Variants in NF2 observed in about 807,000 individuals in gnomAD.
NF2 encodes the protein merlin.
A neutral mutation model predicts 83.7 loss-of-function variants in NF2; 8 were observed. The ratio of observed to expected loss-of-function variants is 0.10; its 90% CI spans 0.06 to 0.17. NF2 has a LOEUF of 0.17. NF2 is among the 10% of genes least tolerant of loss of function. NF2 has a pLI of 1.00. For missense variants in NF2, 533 were observed against 744.4 expected (o/e 0.72, Z 3.31); for synonymous variants, 266 against 269.6 (o/e 0.99, Z 0.13).
intron 1 of NF2, among the ~76,000 whole-genome samples, chr22:29,615,777 G>A (rs1353163385): frequency 6.6e-6 from 1 of 152,164 alleles, no homozygotes; most frequent in African/African-American, 2.4e-5. Flanking sequence ...TCCTCAAACA[G>A]TTAAACACAG....
chr22:29,656,394 C>G (rs997986143), intron 6 of NF2, among the ~76,000 whole-genome samples: 1 of 142,590 alleles, frequency 7.0e-6, no homozygotes, highest in African/African-American at 2.6e-5. Context: ...ATGAGTAGTT[C>G]TGGGGATATA....
At chr22:29,621,944 C>T (rs1205479030) in intron 1 of NF2, among the ~76,000 whole-genome samples, 1 of 152,144 alleles carries the variant, frequency 6.6e-6, no homozygotes, top group African/African-American at 2.4e-5. Flanking sequence ...CCAAAGTCAC[C>T]ACATAGCTTC....
intron 11 of NF2, 85 bp downstream of exon 11, chr22:29,672,033 G>A: frequency 1.9e-6 from 3 of 1,588,596 alleles, no homozygotes; most frequent in Non-Finnish European, 2.6e-6. Context: ...AAAACCATGA[G>A]TTAGCAGCGT....
chr22:29,683,180 G>C lies in NF2; in HGVS notation c.1737+1579G>C, dbSNP rs2067191302. The C allele has an allele frequency of 2.5e-6, 4 of 1,611,296 alleles. No homozygotes were observed. In the South Asian group the frequency reaches 4.4e-5, roughly 18 times the overall value. On this transcript the variant is annotated intron_variant, in intron 15 of 15. Coordinates refer to ENST00000338641, the MANE Select transcript of NF2 (RefSeq NM_000268.4). Reference sequence around the variant, plus strand: ...GCCACACTGAGCCCTTACGAGGGCAGGTGGTGCCTGGGTACTGGCCGCAGC... The same window carrying C: ...GCCACACTGAGCCCTTACGAGGGCACGTGGTGCCTGGGTACTGGCCGCAGC...
chr22:29,613,783 G>A (rs1745630896), intron 1 of NF2, among the ~76,000 whole-genome samples: 1 of 148,952 alleles, frequency 6.7e-6, no homozygotes, highest in African/African-American at 2.5e-5. Flanking sequence ...TTTTTGAGAT[G>A]GAGTCTCGCT....
chr22:29,686,034 G>C (rs2067263034), intron 15 of NF2, among the ~76,000 whole-genome samples: 1 of 151,890 alleles, frequency 6.6e-6, no homozygotes, highest in African/African-American at 2.4e-5. Flanking sequence ...TATACATGCA[G>C]CTATAAAAAA....
At chr22:29,654,627 A>T (rs1184223641) in intron 4 of NF2, 30 bp from the exon 5 acceptor site, 1 of 1,598,954 alleles carries the variant, frequency 6.3e-7, no homozygotes, top group African/African-American at 1.3e-5. Context: ...TTAGAATCTC[A>T]ATCGCCTGCT....
At chr22:29,683,473 A>G (rs933021203) in intron 15 of NF2, 1 of 1,200,844 alleles carries the variant, frequency 8.3e-7, no homozygotes, top group African/African-American at 1.5e-5. Context: ...CTCAAGATCA[A>G]GACCTTTTAT....
At chr22:29,613,449 T>C (rs1262823020) in intron 1 of NF2, among the ~76,000 whole-genome samples, 6 of 152,068 alleles carry the variant, frequency 3.9e-5, no homozygotes, top group Non-Finnish European at 7.4e-5. Flanking sequence ...AAGAATCCCT[T>C]GAACCCAGGA....
chr22:29,624,067 T>A (rs569421806), intron 1 of NF2, among the ~76,000 whole-genome samples: 1 of 152,332 alleles, frequency 6.6e-6, no homozygotes, highest in African/African-American at 2.4e-5. Context: ...GCTACAGCCC[T>A]GATGGAAGGG....
intron 1 of NF2, among the ~76,000 whole-genome samples, chr22:29,613,213 A>G (rs2064998253): frequency 6.6e-6 from 1 of 152,108 alleles, no homozygotes; most frequent in Non-Finnish European, 1.5e-5. Flanking sequence ...TTGTGATTTC[A>G]AGACATACTA....
chr22:29,628,780 G>GCCA (rs1157717430), intron 1 of NF2, among the ~76,000 whole-genome samples: 1 of 151,856 alleles, frequency 6.6e-6, no homozygotes, highest in Non-Finnish European at 1.5e-5. Flanking sequence ...ACAGGTATGC[G>GCCA]CCACCACGCC....
Position 29,654,647 on chromosome 22 carries a change from T to C in NF2, c.448-10T>C. The C allele has an allele frequency of 6.2e-7, 1 of 1,613,504 alleles. No individual in the cohort carries two copies. Among genetic ancestry groups the C allele is most frequent in the Non-Finnish European group, 8.5e-7 (1 of 1,179,446 alleles). On this transcript the variant is annotated splice_polypyrimidine_tract_variant and intron_variant, in intron 4 of 15. Transcript: ENST00000338641. ...ATCTCAATCGCCTGCTCTCCCTTTCTTCTTTCCAGTATGGTGACTACGACC... is the reference window on the plus strand; with the variant it reads ...ATCTCAATCGCCTGCTCTCCCTTTCCTCTTTCCAGTATGGTGACTACGACC...
chr22:29,642,171 A>T (rs751777290), intron 3 of NF2, 31 bp from the exon 4 acceptor site: 1 of 1,570,210 alleles, frequency 6.4e-7, no homozygotes, highest in Admixed American at 1.7e-5. Context: ...CCACTCACAG[A>T]GTATCATGTC....
chr22:29,655,288 G>A (rs2066267218), intron 5 of NF2, among the ~76,000 whole-genome samples: 1 of 152,166 alleles, frequency 6.6e-6, no homozygotes, highest in South Asian at 2.1e-4. Flanking sequence ...AGATGAGTGA[G>A]CATTGCTTCT....
In NF2 at chr22:29,671,959, AGGGGCTG is replaced by A; in HGVS notation, c.1122+15_1122+21del. On this transcript the variant is annotated intron_variant, in intron 11 of 15. Coordinates refer to ENST00000338641, the MANE Select transcript of NF2 (RefSeq NM_000268.4). ...GCCAACGAAGCACTGGTGATTTCTG[AGGGGCTG>A]GGGTTCCAGGAGGCTACTTGGGGAC... 6.2e-7 allele frequency: 1 copy of A among 1,614,116 alleles called. No homozygotes were observed. Among genetic ancestry groups the A allele is most frequent in the Admixed American group, 1.7e-5 (1 of 60,026 alleles).
At chr22:29,639,277 C>G in intron 3 of NF2, 65 bp downstream of exon 3, 7 of 1,603,896 alleles carry the variant, frequency 4.4e-6, no homozygotes, top group Non-Finnish European at 6.0e-6. Context: ...GCAGAGTTGG[C>G]CTCAGAGTTG....
At chr22:29,633,458 C>T (rs1011924292) in intron 1 of NF2, among the ~76,000 whole-genome samples, 1 of 152,168 alleles carries the variant, frequency 6.6e-6, no homozygotes, top group Admixed American at 6.6e-5. Flanking sequence ...AGGCTGCCTT[C>T]TCTCCCTTCT....
rs574718828 is a variant in NF2 at position 29,674,829 on chromosome 22, C to A, written c.1341-7C>A. 2 of 1,553,682 alleles carry A rather than the reference C, an allele frequency of 1.3e-6. No individual in the cohort carries two copies. Among genetic ancestry groups the A allele is most frequent in the Non-Finnish European group, 1.7e-6 (2 of 1,147,888 alleles). ...TGTGAAGCTGACATCTCATCCTTTC[C>A]TTGCAGGGCCAAAGAGGCAGATCAG... is the stretch of plus-strand genomic sequence containing the variant. On this transcript the variant is annotated splice_polypyrimidine_tract_variant and splice_region_variant and intron_variant, in intron 12 of 15. Transcript: ENST00000338641.
Sources: gnomAD v4.1 joint callset for allele counts (sites outside exome capture counted in the v4.1 genomes callset) on GRCh38, gnomAD v4.1.1 for gene constraint, MANE v1.5 for transcripts, NCBI Gene and HGNC (gene_info 2026-07-23, HGNC 2026-07-21) for gene names.